Variants in USP32 observed in about 807,000 individuals in gnomAD.
USP32 encodes the protein ubiquitin carboxyl-terminal hydrolase 32.
Under a neutral mutation model 204.8 loss-of-function variants are expected in USP32, and 59 were observed. The ratio of observed to expected loss-of-function variants is 0.29; its 90% CI spans 0.23 to 0.36. USP32 has a LOEUF of 0.36. USP32 is among the 10% of genes least tolerant of loss of function. The pLI is 1.00. For missense variants in USP32, 1,160 were observed against 1,946.4 expected (o/e 0.60, Z 7.60); for synonymous variants, 517 against 678.4 (o/e 0.76, Z 3.70).
At chr17:60,391,842 G>C in intron 1 of USP32, 40 bp downstream of exon 1, 1 of 1,569,428 alleles carries the variant, frequency 6.4e-7, no homozygotes. Flanking sequence ...TGCCCGTCGC[G>C]GGCCTCCCAG....
intron 1 of USP32, among the ~76,000 whole-genome samples, chr17:60,364,679 C>T (rs1377991039): frequency 6.6e-6 from 1 of 152,154 alleles, no homozygotes; most frequent in Non-Finnish European, 1.5e-5. Flanking sequence ...CTCAGCAGCC[C>T]AAGCCAATCA....
chr17:60,240,022 A>C (rs796815585), intron 11 of USP32, among the ~76,000 whole-genome samples: 9 of 152,358 alleles, frequency 5.9e-5, no homozygotes, highest in African/African-American at 1.9e-4. Context: ...GGCGTGGGCC[A>C]CCATGCCCAA....
chr17:60,301,864 A>C (rs1210278643), intron 2 of USP32, among the ~76,000 whole-genome samples, 160 bp from the exon 3 acceptor site: 1 of 152,024 alleles, frequency 6.6e-6, no homozygotes, highest in African/African-American at 2.4e-5. Flanking sequence ...CCTCTTTTGG[A>C]CCTTATTATT....
intron 1 of USP32, among the ~76,000 whole-genome samples, chr17:60,357,627 C>A (rs1377932939): frequency 6.6e-6 from 1 of 152,072 alleles, no homozygotes; most frequent in African/African-American, 2.4e-5. Context: ...ACAAAAATGT[C>A]CTAAGGGTAC....
intron 1 of USP32, among the ~76,000 whole-genome samples, chr17:60,348,884 A>G (rs192764060): frequency 6.6e-5 from 10 of 152,324 alleles, no homozygotes; most frequent in Non-Finnish European, 1.0e-4. Context: ...ATAAAACAAT[A>G]AGAACCACTA....
chr17:60,264,542 A>C (rs1466290855), intron 9 of USP32, among the ~76,000 whole-genome samples: 2 of 150,362 alleles, frequency 1.3e-5, no homozygotes, highest in East Asian at 1.9e-4. Context: ...AAAAAAAAAA[A>C]CAAAAGAAAT....
chr17:60,227,783 CACAA>C (rs778025161), intron 12 of USP32, among the ~76,000 whole-genome samples: 2 of 152,070 alleles, frequency 1.3e-5, no homozygotes, highest in Non-Finnish European at 2.9e-5. Context: ...ACTAATTAAT[CACAA>C]ACAGTTATAA....
chr17:60,286,363 G>A (rs1309437090), intron 5 of USP32, among the ~76,000 whole-genome samples: 4 of 152,090 alleles, frequency 2.6e-5, no homozygotes, highest in Non-Finnish European at 5.9e-5. Flanking sequence ...ATTTAGCCTG[G>A]GCCCTGAATC....
intron 1 of USP32, 119 bp downstream of exon 1, chr17:60,391,763 T>G: frequency 8.6e-7 from 1 of 1,164,964 alleles, no homozygotes; most frequent in Non-Finnish European, 1.2e-6. Context: ...CCGGCCGCCT[T>G]TCCCTTCCGC....
At position 60,421,284 on chromosome 17, in the gene USP32, C is replaced by T. The variant is rs2090110491; in HGVS notation, c.106+962G>A. On this transcript the variant is annotated intron_variant, in intron 1 of 3. Coordinates refer to the USP32 transcript ENST00000588898. ...GACAACAATAACAACAAGACGTTTG[C>T]TGAACATGCTGGCATAGAGGACAAG... 1.2e-5 allele frequency: 10 copies of T among 833,798 alleles called. No individual in the cohort carries two copies. In the South Asian group the frequency reaches 5.0e-4, roughly 41 times the overall value. The allele number at this position is 833,798 out of a possible 1,614,324, so 51.6% of individuals were successfully genotyped here.
chr17:60,286,734 C>T (rs1238548013), intron 5 of USP32, among the ~76,000 whole-genome samples: 1 of 152,164 alleles, frequency 6.6e-6, no homozygotes, highest in African/African-American at 2.4e-5. Flanking sequence ...TAATATGTGT[C>T]CCTGAGTTGT....
At chr17:60,198,162 C>T in intron 27 of USP32, 98 bp downstream of exon 27, 5 of 1,476,724 alleles carry the variant, frequency 3.4e-6, no homozygotes, top group Non-Finnish European at 4.6e-6. Context: ...GAGTGATTAA[C>T]TTGACATAGG....
chr17:60,323,036 T>C (rs1340150481), intron 2 of USP32, among the ~76,000 whole-genome samples: 1 of 152,154 alleles, frequency 6.6e-6, no homozygotes, highest in Non-Finnish European at 1.5e-5. Flanking sequence ...GGAACCCACA[T>C]ATACTATTGG....
In USP32 at chr17:60,304,367, T is replaced by A. The variant is rs576682020; in HGVS notation, c.187-2663A>T. On this transcript the variant is annotated intron_variant, in intron 2 of 33. Transcript: ENST00000300896. ...TTGCTTCCCTTTATTTTTTTATTTT[T>A]TTTTTTTACGGAAACAAAAACAGAG... is the stretch of plus-strand genomic sequence containing the variant. Among the ~76,000 whole-genome samples the A allele has an allele frequency of 4.2e-3, 640 of 151,806 alleles. 8 individuals are homozygous for A. Among genetic ancestry groups the A allele is most frequent in the Non-Finnish European group, 6.9e-3 (466 of 67,908 alleles).
Position 60,212,046 on chromosome 17 carries a change from A to G in USP32, c.2157T>C (p.Ser719=), listed in dbSNP as rs2084982260. 1.9e-6 allele frequency: 3 copies of G among 1,604,152 alleles called. No individual in the cohort carries two copies. Among genetic ancestry groups the G allele is most frequent in the Non-Finnish European group, 2.6e-6 (3 of 1,173,480 alleles). ...TACCCTTGTGTCTATCTATTTTACT[A>G]CTATTTGCTATAAAAGACATCTCCT... is the stretch of plus-strand genomic sequence containing the variant. ...WPEEMSFIAN[S]SKIDRHKVPT... Residue 719 remains serine (S), a synonymous_variant, in exon 19 of 34, where the codon AGT becomes AGC. Transcript: ENST00000300896.
At chr17:60,197,651 G>A (rs2084557492) in intron 27 of USP32, among the ~76,000 whole-genome samples, 1 of 152,144 alleles carries the variant, frequency 6.6e-6, no homozygotes, top group South Asian at 2.1e-4. Context: ...CAATTTGATT[G>A]AGATAAAAAT....
intron 9 of USP32, among the ~76,000 whole-genome samples, chr17:60,258,848 AT>A (rs957516290): frequency 6.6e-6 from 1 of 152,208 alleles, no homozygotes; most frequent in Non-Finnish European, 1.5e-5. Context: ...CATGCAGCAT[AT>A]ACAATAAGGT....
At chr17:60,226,317 A>T in intron 12 of USP32, 86 bp from the exon 13 acceptor site, 1 of 1,272,630 alleles carries the variant, frequency 7.9e-7, no homozygotes, top group Admixed American at 3.3e-5. Flanking sequence ...ACAATTATCT[A>T]TTTTTTTAAG....
At chr17:60,284,848 AAT>A (rs1250676552) in intron 5 of USP32, among the ~76,000 whole-genome samples, 1 of 152,162 alleles carries the variant, frequency 6.6e-6, no homozygotes, top group Non-Finnish European at 1.5e-5. Flanking sequence ...AGAATCCAGC[AAT>A]AGTCATTCCC....
Sources: allele counts gnomAD v4.1 joint callset (sites outside exome capture counted in the v4.1 genomes callset), GRCh38; gene constraint gnomAD v4.1.1; transcripts MANE v1.5; gene names NCBI Gene and HGNC (gene_info 2026-07-23, HGNC 2026-07-21).